Variants in EIF4ENIF1 observed in about 807,000 individuals in gnomAD.
EIF4ENIF1 encodes the protein eukaryotic translation initiation factor 4E nuclear import factor 1.
A neutral mutation model predicts 110.5 loss-of-function variants in EIF4ENIF1; 23 were observed. The ratio of observed to expected loss-of-function variants is 0.21; its 90% confidence interval spans 0.15 to 0.29. EIF4ENIF1 has a LOEUF of 0.29. EIF4ENIF1 is among the 10% of genes least tolerant of loss of function. The pLI, the probability that EIF4ENIF1 is intolerant of heterozygous loss-of-function variation, is 1.00. For missense variants in EIF4ENIF1, 1,031 were observed against 1,221.1 expected (o/e 0.84, Z 2.32); for synonymous variants, 440 against 437.0 (o/e 1.01, Z -0.09).
In EIF4ENIF1 at chr22:31,454,389, G is replaced by T. The variant is rs1302697389; in HGVS notation, c.1280-13C>A. 1 of 1,610,564 alleles carries T rather than the reference G, an allele frequency of 6.2e-7. No homozygotes were observed. Among genetic ancestry groups the T allele is most frequent in the Admixed American group, 1.7e-5 (1 of 59,916 alleles). On this transcript the variant is annotated splice_polypyrimidine_tract_variant and intron_variant, in intron 9 of 18. Transcript: ENST00000330125. ...ACCCCTGAATGTGCTGAGAAGTTGA[G>T]AACGTCCAGGTTAAATCAAGCAAAG...
intron 11 of EIF4ENIF1, 102 bp from the exon 12 acceptor site, chr22:31,449,633 T>G (rs1467136635): frequency 9.4e-7 from 1 of 1,068,096 alleles, no homozygotes; most frequent in African/African-American, 1.6e-5. Flanking sequence ...TGGATCTCCC[T>G]CATGCTCAAC....
intron 4 of EIF4ENIF1, among the ~76,000 whole-genome samples, chr22:31,467,459 G>C (rs1476748020): frequency 6.6e-6 from 1 of 152,178 alleles, no homozygotes; most frequent in African/African-American, 2.4e-5. Flanking sequence ...AAAGTTGGAA[G>C]ATCAGACTTA....
intron 8 of EIF4ENIF1, 30 bp from the exon 9 acceptor site, chr22:31,455,345 T>G: frequency 6.7e-7 from 1 of 1,481,734 alleles, no homozygotes. Flanking sequence ...TACTCAAAAT[T>G]AATCTGTTCC....
chr22:31,448,371 C>T, intron 12 of EIF4ENIF1, 139 bp from the exon 13 acceptor site: 1 of 829,996 alleles, frequency 1.2e-6, no homozygotes, highest in Admixed American at 2.0e-5. Context: ...ATGTCCCTCT[C>T]CCTCTGTGCC....
At chr22:31,469,922 G>A (rs1227796625) in intron 3 of EIF4ENIF1, among the ~76,000 whole-genome samples, 5 of 152,032 alleles carry the variant, frequency 3.3e-5, no homozygotes, top group African/African-American at 1.2e-4. Context: ...CCAGCACTTT[G>A]GGAGGCTGAG....
intron 2 of EIF4ENIF1, among the ~76,000 whole-genome samples, chr22:31,473,813 AT>A (rs2051475176): frequency 6.6e-6 from 1 of 152,162 alleles, no homozygotes; most frequent in Non-Finnish European, 1.5e-5. Context: ...TCCCATTTGC[AT>A]TTAGCATGCA....
chr22:31,483,350 G>A (rs1295253281), intron 2 of EIF4ENIF1, among the ~76,000 whole-genome samples: 2 of 150,444 alleles, frequency 1.3e-5, no homozygotes, highest in Admixed American at 6.7e-5. Flanking sequence ...CAGGCAATAC[G>A]CCACCATACC....
chr22:31,441,907 G>A lies in EIF4ENIF1; in HGVS notation c.2418C>T (p.Arg806=), dbSNP rs770429412. The A allele has an allele frequency of 9.9e-6, 16 of 1,614,048 alleles. No individual in the cohort carries two copies. In the South Asian group the frequency reaches 1.4e-4, roughly 14 times the overall value. Residue 806 remains arginine, a synonymous_variant, in exon 17 of 19, where the codon CGC becomes CGT. Transcript: ENST00000330125. ...GGACAAGGGGAACTTGGTGGACAGG[G>A]CGGAGAAAAGGTGTTGTAGGAACTG... ...ASPVPTTPFL[R]PVHQVPLVPH...
intron 2 of EIF4ENIF1, among the ~76,000 whole-genome samples, chr22:31,486,721 G>C (rs1873182124): frequency 6.6e-6 from 1 of 152,064 alleles, no homozygotes; most frequent in Non-Finnish European, 1.5e-5. Flanking sequence ...AGAGGCTAGT[G>C]AATCAAGATC....
At chr22:31,480,636 T>G (rs1425511953) in intron 2 of EIF4ENIF1, among the ~76,000 whole-genome samples, 1 of 152,088 alleles carries the variant, frequency 6.6e-6, no homozygotes, top group Non-Finnish European at 1.5e-5. Flanking sequence ...GCGCCTGTAG[T>G]CCCAGCTACT....
Position 31,439,636 on chromosome 22 carries a change from A to G in EIF4ENIF1, c.*244T>C, listed in dbSNP as rs2050230947. 4 of 554,472 alleles carry G rather than the reference A, an allele frequency of 7.2e-6. No homozygotes were observed. The highest frequency in any genetic ancestry group is 2.4e-5 in the South Asian group (1 of 42,166). The allele number at this position is 554,472 out of a possible 1,614,324, so 34.3% of individuals were successfully genotyped here. ...CCAACACTTCATTCACATATCTTAC[A>G]AAAAAGAAAGACCATTTCCAGGATT... On this transcript the variant is annotated 3_prime_UTR_variant, in exon 19 of 19. Coordinates refer to ENST00000330125, the MANE Select transcript of EIF4ENIF1 (RefSeq NM_019843.4).
At chr22:31,488,182 A>G (rs1424729004) in intron 2 of EIF4ENIF1, among the ~76,000 whole-genome samples, 1 of 152,162 alleles carries the variant, frequency 6.6e-6, no homozygotes, top group Non-Finnish European at 1.5e-5. Context: ...AACAGGATTG[A>G]AAAGCCAGTT....
intron 2 of EIF4ENIF1, among the ~76,000 whole-genome samples, chr22:31,480,536 T>G (rs2051774087): frequency 1.3e-5 from 2 of 152,174 alleles, no homozygotes; most frequent in South Asian, 4.1e-4. Context: ...GACGGGCAGA[T>G]CACCTGAGGT....
intron 2 of EIF4ENIF1, among the ~76,000 whole-genome samples, chr22:31,477,910 G>GT (rs1216888945): frequency 2.6e-5 from 4 of 152,198 alleles, no homozygotes; most frequent in Admixed American, 2.0e-4. Flanking sequence ...GTCAAGGAGT[G>GT]TAAGACCTCC....
intron 2 of EIF4ENIF1, among the ~76,000 whole-genome samples, chr22:31,481,113 A>G (rs939225071): frequency 1.3e-5 from 2 of 152,182 alleles, no homozygotes; most frequent in African/African-American, 4.8e-5. Flanking sequence ...GCCTGCTCTA[A>G]CAACTTCCAG....
chr22:31,472,065 T>G, intron 2 of EIF4ENIF1, 148 bp from the exon 3 acceptor site: 1 of 606,088 alleles, frequency 1.6e-6, no homozygotes, highest in Non-Finnish European at 2.8e-6. Context: ...AGGACTGGAG[T>G]ACATTGAGGT....
chr22:31,476,261 G>C (rs2051567189), intron 2 of EIF4ENIF1, among the ~76,000 whole-genome samples: 1 of 152,112 alleles, frequency 6.6e-6, no homozygotes, highest in South Asian at 2.1e-4. Flanking sequence ...TCTTAATGTA[G>C]GGAAGTTTCT....
chr22:31,455,863 T>A lies in EIF4ENIF1; in HGVS notation c.1088A>T (p.Glu363Val). ...SLGSTPHEEL[E>V]RLAGLEQAIL... ...TGAAGCCATTTTACCTGCAAGTCTC[T>A]CTAGCTCTTCATGTGGTGTTGACCC... Residue 363 changes from glutamate to valine, a missense_variant, in exon 8 of 19, where the codon GAG (glutamate) becomes GTG (valine). By Grantham distance (121) the Glu-to-Val change is moderately radical (BLOSUM62 -2). Around this residue, in one of 3 missense-constraint regions of EIF4ENIF1, gnomAD observed 704 missense variants for 879.7 expected, o/e 0.80. Coordinates refer to ENST00000330125, the MANE Select transcript of EIF4ENIF1 (RefSeq NM_019843.4). The A allele has an allele frequency of 6.2e-7, 1 of 1,614,196 alleles. No individual in the cohort carries two copies. The highest frequency in any genetic ancestry group is 8.5e-7 in the Non-Finnish European group (1 of 1,180,032).
At chr22:31,459,133 G>A (rs1441657654) in intron 6 of EIF4ENIF1, among the ~76,000 whole-genome samples, 2 of 152,008 alleles carry the variant, frequency 1.3e-5, no homozygotes, top group African/African-American at 4.8e-5. Flanking sequence ...TCGCTAAATT[G>A]CACAGCCTGG....
Sources: allele counts gnomAD v4.1 joint callset (sites outside exome capture counted in the v4.1 genomes callset), GRCh38; gene constraint gnomAD v4.1.1; regional missense constraint gnomAD v4.1.1; transcripts MANE v1.5; gene names NCBI Gene and HGNC (gene_info 2026-07-23, HGNC 2026-07-21).